The following CEP83 variants were observed in gnomAD, a reference collection of about 807,000 sequenced individuals.
CEP83 encodes the protein centrosomal protein of 83 kDa.
In CEP83, 70 loss-of-function variants were observed where a neutral mutation model predicts 101.9. That is an observed-to-expected ratio of 0.69 (90% confidence interval 0.57 to 0.84). CEP83 has a LOEUF of 0.84. Ranked by LOEUF, CEP83 falls within the 40% of genes least tolerant of loss-of-function variation. The pLI is 0.00. For missense variants in CEP83, 715 were observed against 787.2 expected (o/e 0.91, Z 1.10); for synonymous variants, 264 against 267.9 (o/e 0.99, Z 0.14).
At chr12:94,419,307 A>C (rs1218227046) in intron 2 of CEP83, among the ~76,000 whole-genome samples, 1 of 152,142 alleles carries the variant, frequency 6.6e-6, no homozygotes, top group Non-Finnish European at 1.5e-5. Flanking sequence ...AGGTAAAAAG[A>C]TGTGCAAACT....
intron 9 of CEP83, 93 bp downstream of exon 9, chr12:94,369,829 G>T: frequency 2.9e-6 from 2 of 696,626 alleles, no homozygotes; most frequent in Non-Finnish European, 4.9e-6. Flanking sequence ...TTGAAAATTT[G>T]GAAATAAAAA....
chr12:94,290,007 C>A, the CEP83 span, among the ~76,000 whole-genome samples: 1 of 152,268 alleles, frequency 6.6e-6, no homozygotes, highest in Non-Finnish European at 1.5e-5. Flanking sequence ...CTTGAGGAGA[C>A]ATTTGAACTT....
intron 6 of CEP83, among the ~76,000 whole-genome samples, chr12:94,380,398 T>C (rs2061781564): frequency 6.6e-6 from 1 of 152,190 alleles, no homozygotes; most frequent in Admixed American, 6.5e-5. Flanking sequence ...ATAAAATTTA[T>C]CCTTGAAGGC....
chr12:94,303,661 C>CAGCT (rs1968692004), downstream of CEP83: 1 of 1,109,426 alleles, frequency 9.0e-7, no homozygotes. Flanking sequence ...GGTGGGGGTT[C>CAGCT]AGCTACATTG....
chr12:94,284,107 AAGC>A, the CEP83 span, among the ~76,000 whole-genome samples: 1 of 151,660 alleles, frequency 6.6e-6, no homozygotes, highest in Non-Finnish European at 1.5e-5. Context: ...AAAAAAAAAA[AAGC>A]AGGGTTTGCA....
At chr12:94,391,747 A>G (rs912960895) in intron 6 of CEP83, among the ~76,000 whole-genome samples, 2 of 152,196 alleles carry the variant, frequency 1.3e-5, no homozygotes, top group East Asian at 1.9e-4. Flanking sequence ...TCACGTGCAA[A>G]GACGCACATA....
At chr12:94,387,912 C>T (rs534933035) in intron 6 of CEP83, among the ~76,000 whole-genome samples, 6 of 150,230 alleles carry the variant, frequency 4.0e-5, no homozygotes, top group Non-Finnish European at 5.9e-5. Context: ...ATAGCTATTA[C>T]TAAAAGGAAA....
the CEP83 span, among the ~76,000 whole-genome samples, chr12:94,267,941 T>C: frequency 6.6e-6 from 1 of 152,114 alleles, no homozygotes; most frequent in East Asian, 1.9e-4. Context: ...GTGGTTTATG[T>C]AATTGAAAAC....
At chr12:94,435,186 A>G (rs1228828299) in intron 2 of CEP83, 89 bp downstream of exon 2, 1 of 152,216 alleles carries the variant, frequency 6.6e-6, no homozygotes. Flanking sequence ...TCTATAACAG[A>G]AGCTCAAAGA....
intron 14 of CEP83, among the ~76,000 whole-genome samples, chr12:94,328,468 C>G (rs1036642928): frequency 6.6e-6 from 1 of 152,182 alleles, no homozygotes; most frequent in Admixed American, 6.6e-5. Flanking sequence ...GAACTTTTCA[C>G]AGGAAAGCAA....
chr12:94,354,200 T>C (rs1303505237), intron 11 of CEP83, among the ~76,000 whole-genome samples: 4 of 152,000 alleles, frequency 2.6e-5, no homozygotes, highest in African/African-American at 4.8e-5. Flanking sequence ...TCTTCTTCTT[T>C]TTTTTTTTGA....
intron 6 of CEP83, among the ~76,000 whole-genome samples, chr12:94,387,962 G>A (rs1444669941): frequency 6.6e-6 from 1 of 152,098 alleles, no homozygotes; most frequent in Non-Finnish European, 1.5e-5. Flanking sequence ...AGAAAAAAGG[G>A]AACATTATAC....
downstream of CEP83, among the ~76,000 whole-genome samples, chr12:94,301,767 A>G (rs572676373): frequency 1.3e-5 from 2 of 152,302 alleles, no homozygotes; most frequent in South Asian, 4.1e-4. Context: ...GTCATAATCT[A>G]AACTCTTTAT....
intron 1 of CEP83, among the ~76,000 whole-genome samples, chr12:94,439,811 A>G (rs970795226): frequency 5.3e-5 from 8 of 152,220 alleles, no homozygotes; most frequent in African/African-American, 1.9e-4. Flanking sequence ...TAGCTAACCA[A>G]GTCCAACAGC....
intron 4 of CEP83, 46 bp downstream of exon 4, chr12:94,411,651 T>C (rs1481332803): frequency 6.8e-7 from 1 of 1,465,514 alleles, no homozygotes; most frequent in Admixed American, 2.0e-5. Context: ...CCACTACGTA[T>C]CTGACTGCTT....
the CEP83 span, among the ~76,000 whole-genome samples, chr12:94,284,637 C>T: frequency 2.6e-5 from 4 of 151,980 alleles, no homozygotes; most frequent in Non-Finnish European, 5.9e-5. Flanking sequence ...TAGATGGGTA[C>T]GATGAGGCTC....
At chr12:94,350,431 A>G (rs1338134874) in intron 11 of CEP83, among the ~76,000 whole-genome samples, 1 of 152,228 alleles carries the variant, frequency 6.6e-6, no homozygotes, top group Non-Finnish European at 1.5e-5. Flanking sequence ...AACTGGATAC[A>G]TACATATAAA....
the CEP83 span, among the ~76,000 whole-genome samples, chr12:94,275,812 G>A: frequency 0.064 from 4,605 of 72,428 alleles, 766 homozygotes; most frequent in African/African-American, 0.18. Context: ...CCGAGATCCC[G>A]CCACTGCACT....
chr12:94,376,743 A>ATTT (rs1208558473), intron 7 of CEP83, among the ~76,000 whole-genome samples: 5 of 108,474 alleles, frequency 4.6e-5, no homozygotes, highest in Admixed American at 2.1e-4. Context: ...ATATATATAT[A>ATTT]TATATTTTTT....
Sources: gnomAD v4.1 joint callset for allele counts (sites outside exome capture counted in the v4.1 genomes callset) on GRCh38, gnomAD v4.1.1 for gene constraint, MANE v1.5 for transcripts, NCBI Gene and HGNC (gene_info 2026-07-23, HGNC 2026-07-21) for gene names.